TGFBR1: variants seen among roughly 807,000 people sequenced by gnomAD.
The protein encoded by TGFBR1 is transforming growth factor beta receptor 1, also known as TGF-beta receptor type-1.
A neutral mutation model predicts 55.1 loss-of-function variants in TGFBR1; 20 were observed. That is an observed-to-expected ratio of 0.36 (90% CI 0.26 to 0.53). The LOEUF (loss-of-function observed/expected upper bound fraction) is 0.53, where lower values mean the gene tolerates loss of function less well. TGFBR1 is among the 20% of genes least tolerant of loss of function. TGFBR1 has a pLI of 0.91. For synonymous variants in TGFBR1, 220 were observed against 214.8 expected (o/e 1.02, Z -0.21); for missense variants, 385 against 617.6 (o/e 0.62, Z 3.99).
intron 6 of TGFBR1, chr9:99,145,742 C>T (rs1245089836): frequency 6.6e-6 from 1 of 152,548 alleles, no homozygotes; most frequent in Admixed American, 6.5e-5. Flanking sequence ...GACCCAAACC[C>T]CTTATCACAA....
chr9:99,127,188 T>G (rs1378728976), intron 1 of TGFBR1, among the ~76,000 whole-genome samples: 1 of 152,164 alleles, frequency 6.6e-6, no homozygotes, highest in African/African-American at 2.4e-5. Context: ...AGACACAGGT[T>G]TCCAGGTGTC....
chr9:99,130,764 G>T (rs1007542525), intron 2 of TGFBR1, among the ~76,000 whole-genome samples: 1 of 152,190 alleles, frequency 6.6e-6, no homozygotes, highest in Non-Finnish European at 1.5e-5. Flanking sequence ...TTTACCACAT[G>T]ATAGGGAAGA....
At chr9:99,115,071 A>G (rs1826697425) in intron 1 of TGFBR1, among the ~76,000 whole-genome samples, 1 of 152,200 alleles carries the variant, frequency 6.6e-6, no homozygotes, top group Non-Finnish European at 1.5e-5. Flanking sequence ...TTTCATTGGG[A>G]AAAACAAGCT....
At chr9:99,120,207 A>G (rs981665119) in intron 1 of TGFBR1, among the ~76,000 whole-genome samples, 1 of 152,206 alleles carries the variant, frequency 6.6e-6, no homozygotes, top group African/African-American at 2.4e-5. Flanking sequence ...TGGCAAAGAT[A>G]GGATTTTAAC....
intron 1 of TGFBR1, among the ~76,000 whole-genome samples, chr9:99,114,214 A>G (rs1375373480): frequency 2.0e-5 from 3 of 152,214 alleles, no homozygotes; most frequent in Non-Finnish European, 4.4e-5. Context: ...GACCAAATCT[A>G]CTGACCACAA....
chr9:99,104,638 G>A (rs1826344461), upstream of TGFBR1, among the ~76,000 whole-genome samples: 1 of 152,178 alleles, frequency 6.6e-6, no homozygotes, highest in South Asian at 2.1e-4. Context: ...AGCGGATCTG[G>A]GTGGCATGTG....
At chr9:99,127,704 G>GA (rs1827079698) in intron 1 of TGFBR1, 3 of 345,332 alleles carry the variant, frequency 8.7e-6, no homozygotes, top group African/African-American at 6.5e-5. Context: ...AGGTAGAGTG[G>GA]ACCTTGCTGT....
chr9:99,118,273 A>G (rs1157896826), intron 1 of TGFBR1, among the ~76,000 whole-genome samples: 2 of 152,184 alleles, frequency 1.3e-5, no homozygotes, highest in African/African-American at 2.4e-5. Flanking sequence ...GTCCTCTGCA[A>G]GTAATGATAG....
intron 3 of TGFBR1, among the ~76,000 whole-genome samples, chr9:99,136,348 G>T (rs894458113): frequency 6.6e-6 from 1 of 152,126 alleles, no homozygotes; most frequent in African/African-American, 2.4e-5. Flanking sequence ...CCTGTCAGGT[G>T]TTTTCAGAAT....
intron 4 of TGFBR1, among the ~76,000 whole-genome samples, chr9:99,141,971 A>G (rs978861783): frequency 2.6e-5 from 4 of 152,198 alleles, no homozygotes; most frequent in African/African-American, 9.7e-5. Flanking sequence ...TTTCTAAGCT[A>G]GCAACCTTGG....
At chr9:99,104,295 G>C (rs1231380798), upstream of TGFBR1, among the ~76,000 whole-genome samples, 1 of 152,194 alleles carries the variant, frequency 6.6e-6, no homozygotes, top group Non-Finnish European at 1.5e-5. Context: ...TGAGGGGTTG[G>C]GGTGGGGATC....
At chr9:99,131,211 GA>G (rs918359517) in intron 2 of TGFBR1, among the ~76,000 whole-genome samples, 30 of 143,002 alleles carry the variant, frequency 2.1e-4, no homozygotes, top group Admixed American at 4.2e-4. Flanking sequence ...TGTAAAAGGT[GA>G]AAAAAAAAAA....
chr9:99,110,428 G>T (rs150459421), intron 1 of TGFBR1, among the ~76,000 whole-genome samples: 1 of 152,040 alleles, frequency 6.6e-6, no homozygotes, highest in Admixed American at 6.6e-5. Flanking sequence ...GTTGTATAGA[G>T]TACCAAAACT....
intron 3 of TGFBR1, among the ~76,000 whole-genome samples, chr9:99,136,505 A>G (rs1827443062): frequency 6.6e-6 from 1 of 152,240 alleles, no homozygotes; most frequent in Non-Finnish European, 1.5e-5. Flanking sequence ...TAGTATCTAC[A>G]CTAAACAACA....
At chr9:99,129,249 T>A in intron 2 of TGFBR1, 149 bp downstream of exon 2, 1 of 953,144 alleles carries the variant, frequency 1.0e-6, no homozygotes, top group African/African-American at 1.6e-5. Context: ...TACAGACTTA[T>A]AAGAGTAACC....
intron 3 of TGFBR1, among the ~76,000 whole-genome samples, chr9:99,135,376 T>G (rs1350666091): frequency 6.6e-6 from 1 of 152,190 alleles, no homozygotes; most frequent in Non-Finnish European, 1.5e-5. Flanking sequence ...AAGTAAACTG[T>G]GTGTTTGTAA....
At chr9:99,113,866 T>C (rs1826655393) in intron 1 of TGFBR1, among the ~76,000 whole-genome samples, 1 of 152,198 alleles carries the variant, frequency 6.6e-6, no homozygotes. Context: ...GTATGTTCCC[T>C]GTCACCCTGG....
intron 1 of TGFBR1, among the ~76,000 whole-genome samples, chr9:99,105,555 T>A (rs1183715097): frequency 6.6e-6 from 1 of 150,704 alleles, no homozygotes; most frequent in Non-Finnish European, 1.5e-5. Context: ...GCCGCCCCGC[T>A]CGGGACTCCC....
At chr9:99,116,340 G>A (rs10760673) in intron 1 of TGFBR1, among the ~76,000 whole-genome samples, 34,444 of 152,072 alleles carry the variant, frequency 0.23, 4,126 homozygotes, top group East Asian at 0.43. Flanking sequence ...AAAACTCTGC[G>A]AGGACCAACA....
Sources: gnomAD v4.1 joint callset for allele counts (sites outside exome capture counted in the v4.1 genomes callset) on GRCh38, gnomAD v4.1.1 for gene constraint, MANE v1.5 for transcripts, NCBI Gene and HGNC (gene_info 2026-07-23, HGNC 2026-07-21) for gene names.